MDM2: variants seen among roughly 807,000 people sequenced by gnomAD.
MDM2 encodes MDM2 proto-oncogene, also known as E3 ubiquitin-protein ligase Mdm2.
In MDM2, 11 loss-of-function variants were observed where a neutral mutation model predicts 64.3. That is an observed-to-expected ratio of 0.17 (90% CI 0.11 to 0.28). The LOEUF is 0.28. MDM2 is among the 10% of genes least tolerant of loss of function. The pLI, the probability that MDM2 is intolerant of heterozygous loss-of-function variation, is 1.00. For missense variants in MDM2, 388 were observed against 577.1 expected, an observed-to-expected ratio of 0.67 and a Z score of 3.36; for synonymous variants, 194 against 192.9, an observed-to-expected ratio of 1.01 and a Z score of -0.05.
At position 68,839,468 on chromosome 12, in the gene MDM2, T is replaced by G. The variant is rs1883572046; in HGVS notation, c.1113T>G (p.Thr371=). The G allele has an allele frequency of 6.2e-7, 1 of 1,613,734 alleles. No individual in the cohort carries two copies. Among genetic ancestry groups the G allele is most frequent in the African/African-American group, 1.3e-5 (1 of 74,828 alleles). Residue 371 remains threonine (T), a synonymous_variant, in exon 11 of 11, where the codon ACT becomes ACG. Transcript: ENST00000258149. ...TTGATGTTCCTGATTGTAAAAAAAC[T>G]ATAGTGAATGATTCCAGAGAGTCAT... The part of the protein sequence containing the change: ...EGFDVPDCKK[T]IVNDSRESCV...
In MDM2 at chr12:68,840,464, T is replaced by C. The variant is rs1883670176; in HGVS notation, c.*615T>C. On this transcript the variant is annotated 3_prime_UTR_variant, in exon 11 of 11. Coordinates refer to ENST00000258149, the MANE Select transcript of MDM2 (RefSeq NM_002392.6). The stretch of plus-strand genomic sequence containing the variant: ...CGGCCTAAATGTCACTTAGTACCTT[T>C]GATATAAAGAGAAAATGTGTGAAAG... 4 of 184,838 alleles carry C rather than the reference T, an allele frequency of 2.2e-5. No homozygotes were observed. The highest frequency in any genetic ancestry group is 4.6e-5 in the Non-Finnish European group (4 of 87,586). 11.4% of individuals were successfully genotyped at this position (184,838 alleles called of 1,614,324 possible).
Position 68,840,897 on chromosome 12 carries a change from T to G in MDM2, c.*1048T>G, listed in dbSNP as rs1883718066. The G allele has an allele frequency of 7.1e-6, 1 of 141,648 alleles. No individual in the cohort carries two copies. The highest frequency in any genetic ancestry group is 1.4e-5 in the Non-Finnish European group (1 of 70,970). The allele number at this position is 141,648 out of a possible 1,614,324, so 8.8% of individuals were successfully genotyped here. On this transcript the variant is annotated 3_prime_UTR_variant, in exon 11 of 11. Coordinates refer to ENST00000258149, the MANE Select transcript of MDM2 (RefSeq NM_002392.6). ...TCTTGCTCCATCACCCATGCTAGAG[T>G]GCAGTGGAGTGATCTCGGCTCACTG...
chr12:68,836,750 G>GT lies in MDM2; in HGVS notation c.918+2dup. On this transcript the variant is annotated splice_donor_variant, in intron 10 of 10. Transcript: ENST00000258149. LOFTEE classifies it high-confidence loss of function. ...AGAAGATCCTGAAATTTCCTTAGCT[G>GT]TAAGTATACATCTACTTTTTTAAGA... is the stretch of plus-strand genomic sequence containing the variant. The GT allele has an allele frequency of 6.3e-7, 1 of 1,595,872 alleles. No homozygotes were observed. The highest frequency in any genetic ancestry group is 8.6e-7 in the Non-Finnish European group (1 of 1,164,170).
chr12:68,819,209 C>T (rs1003042277), intron 4 of MDM2, among the ~76,000 whole-genome samples: 1 of 152,132 alleles, frequency 6.6e-6, no homozygotes, highest in Non-Finnish European at 1.5e-5. Context: ...AGTTGGGATT[C>T]ATATTTCCTC....
chr12:68,827,383 GC>G (rs1474286594), intron 7 of MDM2, among the ~76,000 whole-genome samples: 8 of 151,878 alleles, frequency 5.3e-5, no homozygotes, highest in Non-Finnish European at 1.2e-4. Flanking sequence ...TCTGTGACTT[GC>G]TTTTTCCTGT....
chr12:68,836,832 T>C (rs905482085), intron 10 of MDM2, 83 bp downstream of exon 10: 1 of 818,588 alleles, frequency 1.2e-6, no homozygotes, highest in Non-Finnish European at 2.0e-6. Flanking sequence ...CTTTCTGAAA[T>C]GAACTGATTT....
intron 3 of MDM2, among the ~76,000 whole-genome samples, chr12:68,816,434 G>A (rs939699226): frequency 3.7e-5 from 4 of 109,136 alleles, no homozygotes; most frequent in African/African-American, 5.6e-5. Flanking sequence ...GTGCAGTGGC[G>A]CAATCTCGGC....
At position 68,820,313 on chromosome 12, in the gene MDM2, TC is replaced by T. The variant is rs1160940634; in HGVS notation, c.309-11del. On this transcript the variant is annotated splice_polypyrimidine_tract_variant and intron_variant, in intron 4 of 10. Transcript: ENST00000258149. ...TACATCTCTTGTTATTTTTTTTTTT[TC>T]TGTCTACAAGGAAAATATATACCAT... 2.6e-6 allele frequency: 4 copies of T among 1,563,786 alleles called. No homozygotes were observed. The highest frequency in any genetic ancestry group is 1.9e-5 in the Admixed American group (1 of 51,726).
chr12:68,843,697 AAC>A lies in MDM2; in HGVS notation c.*3849_*3850del, dbSNP rs1491299135. The A allele has an allele frequency of 5.6e-6, 1 of 180,064 alleles. No individual in the cohort carries two copies. The highest frequency in any genetic ancestry group is 4.5e-5 in the African/African-American group (1 of 22,084). 11.2% of individuals were successfully genotyped at this position (180,064 alleles called of 1,614,324 possible). A position where few individuals can be genotyped will look rare whatever the true frequency, so the allele number is the denominator to read the frequency against. On this transcript the variant is annotated 3_prime_UTR_variant, in exon 11 of 11. Transcript: ENST00000258149. Reference sequence around the variant, plus strand: ...TACTAATGGTACATTGTTGCTTCAAAACTCTCTCTCTCTCTCTCTGTCTGTCT... The same window carrying A: ...TACTAATGGTACATTGTTGCTTCAAATCTCTCTCTCTCTCTCTGTCTGTCT...
rs1883903565 is a variant in MDM2, at chr12:68,842,814, TTTC to T, written c.*2968_*2970del. On this transcript the variant is annotated 3_prime_UTR_variant, in exon 11 of 11. Coordinates refer to ENST00000258149, the MANE Select transcript of MDM2 (RefSeq NM_002392.6). ...AATATCTTTTATTTTGATTTTAATA[TTTC>T]TTATTTTGGTTTATTAGTGTCTTAG... 1 of 198,310 alleles carries T rather than the reference TTTC, an allele frequency of 5.0e-6. No homozygotes were observed. Among genetic ancestry groups the T allele is most frequent in the African/African-American group, 2.3e-5 (1 of 43,160 alleles). 12.3% of individuals were successfully genotyped at this position (198,310 alleles called of 1,614,324 possible).
intron 7 of MDM2, among the ~76,000 whole-genome samples, chr12:68,825,973 A>T (rs984843794): frequency 6.6e-6 from 1 of 152,244 alleles, no homozygotes; most frequent in South Asian, 2.1e-4. Context: ...AGTTAAATGA[A>T]AAATAGAATA....
chr12:68,818,684 T>C lies in MDM2; in HGVS notation c.309-1641T>C, dbSNP rs571603790. On this transcript the variant is annotated intron_variant, in intron 4 of 10. Coordinates refer to ENST00000258149, the MANE Select transcript of MDM2 (RefSeq NM_002392.6). Reference sequence around the variant, plus strand: ...ATACGTGGCCTTGGTATATATGGTTTAATTTTATAAATTTTAAAAATAACT... The same window carrying C: ...ATACGTGGCCTTGGTATATATGGTTCAATTTTATAAATTTTAAAAATAACT... Among the ~76,000 whole-genome samples, 41 of 151,194 alleles carry C rather than the reference T, an allele frequency of 2.7e-4. 1 individual carries two copies. Among genetic ancestry groups the C allele is most frequent in the Middle Eastern group, 6.9e-3 (2 of 290 alleles).
chr12:68,815,046 C>A (rs1016676065), intron 3 of MDM2, among the ~76,000 whole-genome samples: 2 of 152,170 alleles, frequency 1.3e-5, no homozygotes, highest in African/African-American at 4.8e-5. Flanking sequence ...GCAATCTGTC[C>A]AATCCACAGT....
intron 7 of MDM2, among the ~76,000 whole-genome samples, chr12:68,826,200 A>G (rs947373394): frequency 6.6e-6 from 1 of 152,122 alleles, no homozygotes; most frequent in Non-Finnish European, 1.5e-5. Flanking sequence ...AAAAATGCCA[A>G]AAGGGTGTCC....
chr12:68,829,503 CATGCCTGTA>C (rs1882618471), intron 8 of MDM2, among the ~76,000 whole-genome samples: 1 of 152,164 alleles, frequency 6.6e-6, no homozygotes, highest in African/African-American at 2.4e-5. Flanking sequence ...TGCGGTGGCT[CATGCCTGTA>C]ATCAGTACTT....
At chr12:68,818,085 C>T (rs1462171409) in intron 4 of MDM2, among the ~76,000 whole-genome samples, 2 of 152,118 alleles carry the variant, frequency 1.3e-5, no homozygotes, top group Non-Finnish European at 2.9e-5. Context: ...TGAGCAACCA[C>T]ACCCGGCCTA....
Position 68,839,894 on chromosome 12 carries a change from C to G in MDM2, c.*45C>G. On this transcript the variant is annotated 3_prime_UTR_variant, in exon 11 of 11. Transcript: ENST00000258149. The stretch of plus-strand genomic sequence containing the variant: ...ATTATATATTTCTAACTATATAACC[C>G]TAGGAATTTAGACAACCTGAAATTT... 1 of 1,533,720 alleles carries G rather than the reference C, an allele frequency of 6.5e-7. No homozygotes were observed. Among genetic ancestry groups the G allele is most frequent in the Middle Eastern group, 1.7e-4 (1 of 5,806 alleles).
chr12:68,836,635 G>C (rs770629022), intron 9 of MDM2, 37 bp from the exon 10 acceptor site: 1 of 1,420,870 alleles, frequency 7.0e-7, no homozygotes, highest in East Asian at 2.3e-5. Flanking sequence ...GAAGGAAATA[G>C]GGCGATGAAT....
intron 8 of MDM2, among the ~76,000 whole-genome samples, chr12:68,835,052 T>A (rs1289744317): frequency 2.0e-5 from 3 of 152,138 alleles, no homozygotes; most frequent in Non-Finnish European, 4.4e-5. Flanking sequence ...CTCGAGACAT[T>A]TTTCTAAGAA....
Sources: allele counts gnomAD v4.1 joint callset (sites outside exome capture counted in the v4.1 genomes callset), GRCh38; gene constraint gnomAD v4.1.1; transcripts MANE v1.5; gene names NCBI Gene and HGNC (gene_info 2026-07-23, HGNC 2026-07-21).